Variants in NEB observed in about 807,000 individuals in gnomAD.
The protein encoded by NEB is nemaline myopathy type 2.
A neutral mutation model predicts 952.2 loss-of-function variants in NEB; 512 were observed. The observed-to-expected ratio is 0.54, with a 90% CI of 0.50 to 0.58. The LOEUF (loss-of-function observed/expected upper bound fraction) is 0.58, where lower values mean the gene tolerates loss of function less well. Among genes scored for constraint, NEB ranks in the 20% least tolerant of loss-of-function variants. The pLI, the probability that NEB is intolerant of heterozygous loss-of-function variation, is 0.00. For synonymous variants in NEB, 2,900 were observed against 3,149.8 expected, an observed-to-expected ratio of 0.92 and a Z score of 2.66; for missense variants, 8,428 against 9,231.1, an observed-to-expected ratio of 0.91 and a Z score of 3.56.
Position 151,618,276 on chromosome 2 carries a change from T to G in NEB, c.11075A>C (p.Lys3692Thr). 1 of 1,613,620 alleles carries G rather than the reference T, an allele frequency of 6.2e-7. No homozygotes were observed. Among genetic ancestry groups the G allele is most frequent in the Non-Finnish European group, 8.5e-7 (1 of 1,179,554 alleles). Residue 3692 changes from lysine to threonine, a missense_variant and splice_region_variant, in exon 74 of 182, where the codon AAG (lysine) becomes ACG (threonine). Physicochemically the swap from Lys to Thr is moderately conservative, Grantham distance 78. Around this residue, in one of 11 missense-constraint regions of NEB, gnomAD observed 1,772 missense variants for 1,960.3 expected, o/e 0.90. Transcript: ENST00000397345. Reference sequence around the variant, plus strand: ...TAACAGTGAGGATTGAAGACTCACCTTATTCATGTTTAAAGCATTGTTTTT... The same window carrying G: ...TAACAGTGAGGATTGAAGACTCACCGTATTCATGTTTAAAGCATTGTTTTT... The part of the protein sequence containing the change: ...LAKNNALNMN[K>T]RLYTEAWDND...
At position 151,670,966 on chromosome 2, in the gene NEB, C is replaced by G; in HGVS notation, c.4506+57G>C. On this transcript the variant is annotated intron_variant, in intron 38 of 181. Coordinates refer to ENST00000397345, the MANE Select transcript of NEB (RefSeq NM_001164508.2). ...CATTGAATTAAGAAGGACGGAGGAGCGGCTCAGACACGTGTGGTTATTTAC... is the reference window on the plus strand; with the variant it reads ...CATTGAATTAAGAAGGACGGAGGAGGGGCTCAGACACGTGTGGTTATTTAC... The G allele has an allele frequency of 2.0e-6, 3 of 1,506,794 alleles. No homozygotes were observed. The East Asian group carries it at 6.8e-5, about 34-fold the overall frequency. The allele number at this position is 1,506,794 out of a possible 1,614,324, so 93.3% of individuals were successfully genotyped here. A position where few individuals can be genotyped will look rare whatever the true frequency, so the allele number is the denominator to read the frequency against.
intron 161 of NEB, among the ~76,000 whole-genome samples, chr2:151,511,562 C>A (rs2074358259): frequency 6.6e-6 from 1 of 152,158 alleles, no homozygotes; most frequent in South Asian, 2.1e-4. Flanking sequence ...CCCCAGGTGC[C>A]TATAAAGCAC....
At position 151,709,552 on chromosome 2, in the gene NEB, A is replaced by T. The variant is rs916775082; in HGVS notation, c.1035+104T>A. 8.4e-6 allele frequency: 7 copies of T among 832,626 alleles called. No homozygotes were observed. In the East Asian group the frequency reaches 1.6e-4, roughly 19 times the overall value. 51.6% of individuals were successfully genotyped at this position (832,626 alleles called of 1,614,324 possible). Reference sequence around the variant, plus strand: ...GGTCTCAGCCCTGGTAGTTCCCCCAAGAACCACTCCTCCCCTTTTTTACTA... The same window carrying T: ...GGTCTCAGCCCTGGTAGTTCCCCCATGAACCACTCCTCCCCTTTTTTACTA... On this transcript the variant is annotated intron_variant, in intron 12 of 181. Transcript: ENST00000397345.
rs2096547414 is a variant in NEB at position 151,569,391 on chromosome 2, A to C, written c.17431-19T>G. On this transcript the variant is annotated intron_variant, in intron 109 of 181. Transcript: ENST00000397345. Reference sequence around the variant, plus strand: ...AAACATTCTGTGAAAACAGGGCCAGAATGAGTTCAGCAACCCTGGTCATGT... The same window carrying C: ...AAACATTCTGTGAAAACAGGGCCAGCATGAGTTCAGCAACCCTGGTCATGT... 1.3e-6 allele frequency: 2 copies of C among 1,593,076 alleles called. No individual in the cohort carries two copies. Among genetic ancestry groups the C allele is most frequent in the Non-Finnish European group, 1.7e-6 (2 of 1,161,094 alleles).
Position 151,520,636 on chromosome 2 carries a change from G to A in NEB, c.22480-868C>T, listed in dbSNP as rs907569098. Among the ~76,000 whole-genome samples the A allele has an allele frequency of 2.0e-5, 3 of 152,138 alleles. No individual in the cohort carries two copies. In the East Asian group the frequency reaches 5.8e-4, roughly 29 times the overall value. The stretch of plus-strand genomic sequence containing the variant: ...TCTCAGCACTTTAGGAGGCCAAGGT[G>A]GGTGAATTACTTGAGCCCAGGAGTT... On this transcript the variant is annotated intron_variant, in intron 153 of 181. Transcript: ENST00000397345.
At chr2:151,698,762 C>T (rs1016198592) in intron 13 of NEB, among the ~76,000 whole-genome samples, 24 of 151,584 alleles carry the variant, frequency 1.6e-4, no homozygotes, top group African/African-American at 3.9e-4. Context: ...CTCAGCCTCC[C>T]GAGTAGCTGG....
At chr2:151,697,125 C>A (rs1189563337) in intron 16 of NEB, 23 bp downstream of exon 16, 2 of 1,561,418 alleles carry the variant, frequency 1.3e-6, no homozygotes, top group Admixed American at 1.7e-5. Flanking sequence ...CAGTCACATT[C>A]AAAGTTCAGA....
chr2:151,682,098 G>C (rs2099418119), intron 29 of NEB, among the ~76,000 whole-genome samples: 1 of 152,036 alleles, frequency 6.6e-6, no homozygotes, highest in Non-Finnish European at 1.5e-5. Context: ...CAAATTACAA[G>C]CAGAAACATT....
In NEB at chr2:151,666,268, T is replaced by C. The variant is rs759773612; in HGVS notation, c.4853A>G (p.Tyr1618Cys). 1.3e-5 allele frequency: 21 copies of C among 1,613,992 alleles called. No homozygotes were observed. The highest frequency in any genetic ancestry group is 1.6e-5 in the Non-Finnish European group (19 of 1,179,870). Residue 1618 changes from tyrosine (Y) to cysteine (C), a missense_variant, in exon 41 of 182, where the codon TAT becomes TGT. Physicochemically the swap from Tyr to Cys is radical, Grantham distance 194. Coordinates refer to ENST00000397345, the MANE Select transcript of NEB (RefSeq NM_001164508.2). ...GTGGTACTTGGTCTTGCTGGCTTCA[T>C]AGCCCTTTTTGTACTCACGATCAGA... The part of the protein sequence containing the change: ...IQSDREYKKG[Y>C]EASKTKYHTP...
At position 151,656,432 on chromosome 2, in the gene NEB, C is replaced by T. The variant is rs547625126; in HGVS notation, c.6216G>A (p.Lys2072=). 1.2e-6 allele frequency: 2 copies of T among 1,612,616 alleles called. No homozygotes were observed. Among genetic ancestry groups the T allele is most frequent in the African/African-American group, 1.3e-5 (1 of 74,954 alleles). Residue 2072 remains lysine (K), a synonymous_variant, in exon 49 of 182, where the codon AAG becomes AAA. Transcript: ENST00000397345. ...GACTGCGGAAACCAACCATTTTCCC[C>T]TTCCCTTTTTCATAATTGTACTTGT... ...YKYKYNYEKG[K]GKMVGFRSLE... is the part of the protein sequence containing the mutation.
intron 27 of NEB, among the ~76,000 whole-genome samples, chr2:151,686,903 T>C (rs1576345315): frequency 6.6e-6 from 1 of 152,186 alleles, no homozygotes; most frequent in East Asian, 1.9e-4. Flanking sequence ...TGAAAAGAAA[T>C]GTTCATTTTC....
chr2:151,635,707 CAAAAA>C (rs1292764660), intron 64 of NEB, among the ~76,000 whole-genome samples: 4 of 86,026 alleles, frequency 4.6e-5, no homozygotes, highest in African/African-American at 4.6e-5. Context: ...ACTCTGTCTC[CAAAAA>C]AAAAAAAAAA....
Position 151,663,602 on chromosome 2 carries a change from A to G in NEB, c.5709T>C (p.Leu1903=), listed in dbSNP as rs1472831605. ...YRNVIHTYNM[L]PDAMSFELAK... is the part of the protein sequence containing the mutation. ...CCAATTCAAAGCTCATGGCATCAGG[A>G]AGCATGTTGTAGGTATGGATCACGT... Residue 1903 remains leucine (L), a synonymous_variant, in exon 45 of 182, where the codon CTT becomes CTC. Transcript: ENST00000397345. 1 of 1,613,372 alleles carries G rather than the reference A, an allele frequency of 6.2e-7. No homozygotes were observed. The highest frequency in any genetic ancestry group is 8.5e-7 in the Non-Finnish European group (1 of 1,179,508).
At position 151,694,303 on chromosome 2, in the gene NEB, T is replaced by C; in HGVS notation, c.1896+20A>G. ...TTGTGGCCACGTCTGAAAATAGGGG[T>C]GAATTACAAAGAAACTCACATCACT... On this transcript the variant is annotated intron_variant, in intron 20 of 181. Coordinates refer to ENST00000397345, the MANE Select transcript of NEB (RefSeq NM_001164508.2). 2 of 1,597,634 alleles carry C rather than the reference T, an allele frequency of 1.3e-6. No homozygotes were observed. Among genetic ancestry groups the C allele is most frequent in the Non-Finnish European group, 1.7e-6 (2 of 1,165,346 alleles).
chr2:151,627,383 A>C, intron 69 of NEB, 140 bp downstream of exon 69: 1 of 1,430,508 alleles, frequency 7.0e-7, no homozygotes. Flanking sequence ...AAAAAAAGTA[A>C]GGGGAAGAGT....
In NEB at chr2:151,490,031, AGAT is replaced by A. The variant is rs764403209; in HGVS notation, c.25341_25343del (p.Ser8449del). 2 of 1,613,736 alleles carry A rather than the reference AGAT, an allele frequency of 1.2e-6. No homozygotes were observed. Among genetic ancestry groups the A allele is most frequent in the Non-Finnish European group, 1.7e-6 (2 of 1,179,718 alleles). ...CCGTTGTCTGTTGGGTAGCAACTGA[AGAT>A]GATCGTTGTTGTGGGAGCTCTGTGG... On this transcript the variant is annotated inframe_deletion, in exon 181 of 182. Coordinates refer to ENST00000397345, the MANE Select transcript of NEB (RefSeq NM_001164508.2).
chr2:151,513,596 G>C lies in NEB; in HGVS notation c.23225C>G (p.Thr7742Ser), dbSNP rs1472315374. 65 of 1,606,988 alleles carry C rather than the reference G, an allele frequency of 4.0e-5. No homozygotes were observed. The highest frequency in any genetic ancestry group is 5.5e-5 in the Non-Finnish European group (65 of 1,176,478). Residue 7742 changes from threonine to serine, a missense_variant, in exon 160 of 182, where the codon ACT becomes AGT. This residue lies in a region of NEB where 3,374 missense variants were observed against 3,651.5 expected (regional missense o/e 0.92). Transcript: ENST00000397345. Reference sequence around the variant, plus strand: ...AGCACTGACCTGACTGGCAATATCAGTAGCATTCCTGGCCCTCATAAAATC... The same window carrying C: ...AGCACTGACCTGACTGGCAATATCACTAGCATTCCTGGCCCTCATAAAATC... ...TPDFMRARNA[T>S]DIASQIKYKQ...
intron 166 of NEB, 143 bp downstream of exon 166, chr2:151,503,201 TTAACA>T: frequency 1.6e-6 from 1 of 628,766 alleles, no homozygotes. Flanking sequence ...TCATTTTGTA[TTAACA>T]TAATTTTGGT....
At chr2:151,641,775 A>C (rs1398007629) in intron 60 of NEB, among the ~76,000 whole-genome samples, 1 of 152,244 alleles carries the variant, frequency 6.6e-6, no homozygotes, top group Non-Finnish European at 1.5e-5. Context: ...ATTCATAGAC[A>C]AAAGAAATGG....
Sources: allele counts gnomAD v4.1 joint callset (sites outside exome capture counted in the v4.1 genomes callset), GRCh38; gene constraint gnomAD v4.1.1; regional missense constraint gnomAD v4.1.1; transcripts MANE v1.5; gene names NCBI Gene and HGNC (gene_info 2026-07-23, HGNC 2026-07-21).